The following MLLT3 variants were observed in gnomAD, a reference collection of about 807,000 sequenced individuals.
MLLT3 encodes MLLT3 super elongation complex subunit.
MLLT3 carries 4 observed loss-of-function variants against 53.2 expected under a neutral mutation model. The observed-to-expected ratio is 0.08, with a 90% CI of 0.04 to 0.17. The LOEUF is 0.17. MLLT3 is among the 10% of genes least tolerant of loss of function. The probability of loss-of-function intolerance (pLI) is 1.00; values close to 1 mark genes in which losing one functional copy is unlikely to be tolerated. For synonymous variants in MLLT3, 283 were observed against 230.6 expected (o/e 1.23, Z -2.06); for missense variants, 569 against 684.0 (o/e 0.83, Z 1.87).
At chr9:20,377,158 C>G (rs1403667810) in intron 5 of MLLT3, among the ~76,000 whole-genome samples, 1 of 152,122 alleles carries the variant, frequency 6.6e-6, no homozygotes, top group African/African-American at 2.4e-5. Flanking sequence ...CCTGATAGAA[C>G]TGGCCCATAA....
chr9:20,464,933 T>A (rs1161386719), intron 2 of MLLT3, among the ~76,000 whole-genome samples: 1 of 152,152 alleles, frequency 6.6e-6, no homozygotes, highest in Non-Finnish European at 1.5e-5. Context: ...GTTTCTCATA[T>A]CTTAAATTCT....
rs1018270943 is a variant in MLLT3, at chr9:20,620,843, A to AG, written c.13-10dup. ...TTCACCTGCACGGCACACTGCGGGC[A>AG]GGGGGAGGAGAGACAGCCGTGAATA... On this transcript the variant is annotated splice_polypyrimidine_tract_variant and intron_variant, in intron 1 of 10. Coordinates refer to ENST00000380338, the MANE Select transcript of MLLT3 (RefSeq NM_004529.4). The surrounding 1 kb of genome is among the most constrained non-coding windows in gnomAD (Gnocchi z 6.1). 6.2e-7 allele frequency: 1 copy of AG among 1,611,004 alleles called. No individual in the cohort carries two copies. The highest frequency in any genetic ancestry group is 8.5e-7 in the Non-Finnish European group (1 of 1,178,090).
At chr9:20,403,159 T>G (rs1291408512) in intron 5 of MLLT3, among the ~76,000 whole-genome samples, 1 of 151,976 alleles carries the variant, frequency 6.6e-6, no homozygotes, top group Non-Finnish European at 1.5e-5. Flanking sequence ...CTTGGGCAAG[T>G]TATTAAACTT....
intron 4 of MLLT3, among the ~76,000 whole-genome samples, chr9:20,423,049 C>A (rs1823053072): frequency 6.6e-6 from 1 of 152,134 alleles, no homozygotes; most frequent in South Asian, 2.1e-4. Context: ...GACACTCAAG[C>A]CCCCAGTTAG....
intron 5 of MLLT3, among the ~76,000 whole-genome samples, chr9:20,407,756 A>G (rs1219204750): frequency 6.6e-6 from 1 of 152,178 alleles, no homozygotes; most frequent in African/African-American, 2.4e-5. Context: ...TTTCATCCAT[A>G]AAATGGCAAT....
intron 5 of MLLT3, among the ~76,000 whole-genome samples, chr9:20,373,432 A>C (rs1821669963): frequency 6.6e-6 from 1 of 152,244 alleles, no homozygotes; most frequent in Non-Finnish European, 1.5e-5. Flanking sequence ...GAAGTGTTTC[A>C]AAAGCGAGCA....
At chr9:20,439,281 A>G (rs1171654428) in intron 4 of MLLT3, among the ~76,000 whole-genome samples, 4 of 152,068 alleles carry the variant, frequency 2.6e-5, no homozygotes, top group Non-Finnish European at 5.9e-5. Flanking sequence ...CCTTGAACCC[A>G]GGAGGCAGAG....
At chr9:20,395,836 T>C (rs1183720067) in intron 5 of MLLT3, among the ~76,000 whole-genome samples, 1 of 152,186 alleles carries the variant, frequency 6.6e-6, no homozygotes, top group Non-Finnish European at 1.5e-5. Flanking sequence ...TCTGCACTTT[T>C]ATAGGCTTTA....
In MLLT3 at chr9:20,360,787, T is replaced by A; in HGVS notation, c.1386A>T (p.Leu462=). The A allele has an allele frequency of 1.2e-6, 2 of 1,614,140 alleles. No homozygotes were observed. Residue 462 remains leucine, a synonymous_variant, in exon 8 of 11, where the codon CTA becomes CTT. Coordinates refer to ENST00000380338, the MANE Select transcript of MLLT3 (RefSeq NM_004529.4). ...DSESSSASSP[L]HHEPPPPLLK... Reference sequence around the variant, plus strand: ...GTAAGGGTGGTGGAGGTTCGTGATGTAGGGGTGAAGAAGCAGAACTGCTTT... The same window carrying A: ...GTAAGGGTGGTGGAGGTTCGTGATGAAGGGGTGAAGAAGCAGAACTGCTTT...
chr9:20,472,577 G>A (rs909759003), intron 2 of MLLT3, among the ~76,000 whole-genome samples: 6 of 151,996 alleles, frequency 3.9e-5, no homozygotes, highest in African/African-American at 1.4e-4. Context: ...AGCAGCAGTA[G>A]TTGAACACCC....
intron 2 of MLLT3, among the ~76,000 whole-genome samples, chr9:20,526,327 A>G (rs1818201844): frequency 6.6e-6 from 1 of 152,200 alleles, no homozygotes; most frequent in Non-Finnish European, 1.5e-5. Context: ...GTTTCCCAGA[A>G]GCCTTCCCCA....
At chr9:20,375,448 T>C (rs1481320119) in intron 5 of MLLT3, among the ~76,000 whole-genome samples, 1 of 152,096 alleles carries the variant, frequency 6.6e-6, no homozygotes, top group African/African-American at 2.4e-5. Flanking sequence ...CCAAGGTACA[T>C]CTTCTGATCC....
At chr9:20,497,772 G>GTTCATAACT (rs1825115546) in intron 2 of MLLT3, among the ~76,000 whole-genome samples, 1 of 152,100 alleles carries the variant, frequency 6.6e-6, no homozygotes, top group Admixed American at 6.5e-5. Context: ...ACTTGTATAA[G>GTTCATAACT]TGTGTAAGTC....
intron 2 of MLLT3, among the ~76,000 whole-genome samples, chr9:20,515,685 T>A (rs1360132677): frequency 1.3e-5 from 2 of 152,188 alleles, no homozygotes; most frequent in African/African-American, 4.8e-5. Context: ...TTTCTTTGGA[T>A]GTTTATCTGA....
At chr9:20,465,644 A>G (rs560246919) in intron 2 of MLLT3, among the ~76,000 whole-genome samples, 9 of 152,318 alleles carry the variant, frequency 5.9e-5, no homozygotes, top group Non-Finnish European at 1.2e-4. Context: ...ATGGCTCAAT[A>G]TTAATTTTTG....
chr9:20,541,838 C>G (rs918394181), intron 2 of MLLT3, among the ~76,000 whole-genome samples: 1 of 152,194 alleles, frequency 6.6e-6, no homozygotes, highest in African/African-American at 2.4e-5. Flanking sequence ...ACTTCAAATT[C>G]TACCTCTTTT....
At position 20,413,910 on chromosome 9, in the gene MLLT3, G is replaced by C. The variant is rs372279496; in HGVS notation, c.936C>G (p.Ser312Arg). ...AACAAGTGAGTATCAGTGGTGGTGCGCTAGAAAAACTTTTAAATAAAGCCT... is the reference window on the plus strand; with the variant it reads ...AACAAGTGAGTATCAGTGGTGGTGCCCTAGAAAAACTTTTAAATAAAGCCT... ...SSEALFKSFS[S>R]APPLILTCSA... The change falls in exon 5 of 11, where the codon AGC (serine) becomes AGG (arginine). Residue 312 changes from serine to arginine, a missense_variant. Physicochemically the swap from Ser to Arg is moderately radical, Grantham distance 110 (BLOSUM62 -1). Transcript: ENST00000380338. The C allele has an allele frequency of 3.1e-6, 5 of 1,613,368 alleles. No individual in the cohort carries two copies. The highest frequency in any genetic ancestry group is 4.2e-6 in the Non-Finnish European group (5 of 1,179,866).
chr9:20,622,261 G>C lies in MLLT3; in HGVS notation c.-5C>G. The C allele has an allele frequency of 6.3e-7, 1 of 1,595,906 alleles. No homozygotes were observed. Among genetic ancestry groups the C allele is most frequent in the Non-Finnish European group, 8.5e-7 (1 of 1,170,130 alleles). ...CGTACTTACCGAGCTAGCCATGCCT[G>C]GGGGCCCGGAGGTTTGCTGGGGTGT... On this transcript the variant is annotated 5_prime_UTR_variant, in exon 1 of 11. Transcript: ENST00000380338.
intron 2 of MLLT3, among the ~76,000 whole-genome samples, chr9:20,586,761 T>A (rs1040863057): frequency 1.3e-5 from 2 of 152,034 alleles, no homozygotes; most frequent in Admixed American, 1.3e-4. Context: ...ACTCACTGGT[T>A]AGGGAAGTGG....
Sources: allele counts gnomAD v4.1 joint callset (sites outside exome capture counted in the v4.1 genomes callset), GRCh38; gene constraint gnomAD v4.1.1; non-coding constraint Gnocchi (gnomAD v3.1); transcripts MANE v1.5; gene names NCBI Gene and HGNC (gene_info 2026-07-23, HGNC 2026-07-21).